Variants in MND1 observed in about 807,000 individuals in gnomAD.
The protein encoded by MND1 is meiotic nuclear divisions 1, also known as meiotic nuclear division protein 1 homolog.
A neutral mutation model predicts 35.1 loss-of-function variants in MND1; 28 were observed. The observed-to-expected ratio is 0.80, with a 90% CI of 0.59 to 1.09. MND1 has a LOEUF of 1.09. Ranked by LOEUF, MND1 falls within the 50% of genes least tolerant of loss-of-function variation. The probability of loss-of-function intolerance (pLI) is 0.00; values close to 1 mark genes in which losing one functional copy is unlikely to be tolerated. For synonymous variants in MND1, 69 were observed against 70.5 expected, an observed-to-expected ratio of 0.98 and a Z score of 0.11; for missense variants, 213 against 239.6, an observed-to-expected ratio of 0.89 and a Z score of 0.73.
intron 4 of MND1, among the ~76,000 whole-genome samples, chr4:153,385,304 A>T (rs1728822221): frequency 6.6e-6 from 1 of 152,172 alleles, no homozygotes; most frequent in African/African-American, 2.4e-5. Flanking sequence ...TATGAAAGAG[A>T]TTATTATTAA....
At chr4:153,358,815 A>G (rs1773409396) in intron 4 of MND1, among the ~76,000 whole-genome samples, 193 bp downstream of exon 4, 1 of 152,188 alleles carries the variant, frequency 6.6e-6, no homozygotes, top group African/African-American at 2.4e-5. Context: ...ATCTTCCCAT[A>G]TGTCAAGATA....
chr4:153,349,094 CTT>C (rs56180318), intron 1 of MND1, among the ~76,000 whole-genome samples: 28,290 of 137,498 alleles, frequency 0.21, 2,648 homozygotes, highest in East Asian at 0.26. Context: ...AGTTCTCACT[CTT>C]TTTTTTTTTT....
At position 153,393,990 on chromosome 4, in the gene MND1, C is replaced by T. The variant is rs187355843; in HGVS notation, c.277-272C>T. On this transcript the variant is annotated intron_variant, in intron 4 of 7. Transcript: ENST00000240488. The stretch of plus-strand genomic sequence containing the variant: ...CTGTCGCCAGGCTGGAGTGCAGAGG[C>T]GCAATCTCAGCTCACTGCAACCTCA... Among the ~76,000 whole-genome samples, 308 of 122,518 alleles carry T rather than the reference C, an allele frequency of 2.5e-3. 2 individuals carry two copies. The East Asian group carries it at 0.052, about 21-fold the overall frequency. The allele number at this position is 122,518 out of a possible 152,430, so 80.4% of individuals were successfully genotyped here.
At chr4:153,370,390 C>T (rs891940610) in intron 4 of MND1, among the ~76,000 whole-genome samples, 1 of 152,060 alleles carries the variant, frequency 6.6e-6, no homozygotes, top group Non-Finnish European at 1.5e-5. Context: ...TTGCCATTTC[C>T]ACCACATCAG....
chr4:153,409,547 A>G (rs1396392897), intron 7 of MND1, among the ~76,000 whole-genome samples: 1 of 152,176 alleles, frequency 6.6e-6, no homozygotes, highest in Non-Finnish European at 1.5e-5. Context: ...CATGTGTCAG[A>G]CAGCAGAACA....
At chr4:153,398,748 T>C (rs971604591) in intron 6 of MND1, among the ~76,000 whole-genome samples, 3 of 151,414 alleles carry the variant, frequency 2.0e-5, no homozygotes, top group African/African-American at 4.9e-5. Context: ...AAGAAAGTGC[T>C]AATCAAATCT....
intron 7 of MND1, among the ~76,000 whole-genome samples, chr4:153,410,956 A>G (rs557642643): frequency 2.0e-4 from 31 of 152,284 alleles, no homozygotes; most frequent in Middle Eastern, 3.4e-3. Context: ...GTGCCACTGC[A>G]CTCCAGCCTG....
intron 4 of MND1, among the ~76,000 whole-genome samples, chr4:153,391,807 C>T (rs1256099184): frequency 6.6e-6 from 1 of 151,242 alleles, no homozygotes; most frequent in Admixed American, 6.6e-5. Flanking sequence ...AAGATAATTA[C>T]TCGCAAGGAG....
chr4:153,401,667 T>C (rs2149656468), intron 6 of MND1, among the ~76,000 whole-genome samples: 1 of 152,222 alleles, frequency 6.6e-6, no homozygotes, highest in East Asian at 1.9e-4. Flanking sequence ...AAATTGATTT[T>C]AATAGGATTT....
In MND1 at chr4:153,358,513, A is replaced by T; in HGVS notation, c.167A>T (p.Asp56Val). ...SVKEVLQSLV[D>V]DGMVDCERIG... ...AAAGAAGTCCTTCAAAGCTTAGTTG[A>T]TGATGGTATGGTTGACTGTGAGAGG... Residue 56 changes from aspartate to valine, a missense_variant, in exon 4 of 8, where the codon GAT becomes GTT. By Grantham distance (152) the Asp-to-Val change is radical (BLOSUM62 -3). Coordinates refer to ENST00000240488, the MANE Select transcript of MND1 (RefSeq NM_032117.4). 6.2e-7 allele frequency: 1 copy of T among 1,612,094 alleles called. No homozygotes were observed. The highest frequency in any genetic ancestry group is 8.5e-7 in the Non-Finnish European group (1 of 1,179,132).
intron 4 of MND1, among the ~76,000 whole-genome samples, chr4:153,372,458 A>G (rs1449364731): frequency 6.6e-6 from 1 of 152,228 alleles, no homozygotes; most frequent in African/African-American, 2.4e-5. Context: ...TAAATGACAT[A>G]CAAAAACCTG....
chr4:153,385,191 T>C (rs1728818903), intron 4 of MND1, among the ~76,000 whole-genome samples: 2 of 152,232 alleles, frequency 1.3e-5, no homozygotes, highest in African/African-American at 4.8e-5. Flanking sequence ...CAGCCACTCT[T>C]ATTCTTGGAC....
chr4:153,356,886 A>C (rs1034095477), intron 3 of MND1, among the ~76,000 whole-genome samples: 1 of 152,014 alleles, frequency 6.6e-6, no homozygotes, highest in East Asian at 1.9e-4. Flanking sequence ...CCAGTGGTGC[A>C]GTCCTGGCAC....
chr4:153,392,811 C>G (rs183962933), intron 4 of MND1, among the ~76,000 whole-genome samples: 2 of 152,284 alleles, frequency 1.3e-5, no homozygotes, highest in African/African-American at 4.8e-5. Flanking sequence ...AAAGTTTAAA[C>G]TGATGACTTT....
intron 1 of MND1, 27 bp from the exon 2 acceptor site, chr4:153,350,037 G>T (rs754547575): frequency 4.6e-6 from 7 of 1,510,212 alleles, no homozygotes; most frequent in Non-Finnish European, 6.4e-6. Flanking sequence ...TAAAAGCATT[G>T]TTTACTTGTT....
At chr4:153,400,890 C>G (rs1182664693) in intron 6 of MND1, among the ~76,000 whole-genome samples, 1 of 152,120 alleles carries the variant, frequency 6.6e-6, no homozygotes, top group African/African-American at 2.4e-5. Flanking sequence ...GTTATTATAA[C>G]TGTATTCCAT....
intron 4 of MND1, among the ~76,000 whole-genome samples, chr4:153,383,357 T>G (rs1728761239): frequency 6.6e-6 from 1 of 152,160 alleles, no homozygotes; most frequent in Non-Finnish European, 1.5e-5. Flanking sequence ...AAATAGAATG[T>G]GTTTTCTACA....
chr4:153,360,722 G>A (rs1270156749), intron 4 of MND1, among the ~76,000 whole-genome samples: 3 of 146,816 alleles, frequency 2.0e-5, no homozygotes, highest in African/African-American at 7.5e-5. Context: ...TGTGAGACAG[G>A]GTCTTGCTTT....
chr4:153,358,516 A>T lies in MND1; in HGVS notation c.170A>T (p.Asp57Val). 1 of 1,611,812 alleles carries T rather than the reference A, an allele frequency of 6.2e-7. No individual in the cohort carries two copies. Among genetic ancestry groups the T allele is most frequent in the Non-Finnish European group, 8.5e-7 (1 of 1,179,014 alleles). The change falls in exon 4 of 8, where the codon GAT (aspartate) becomes GTT (valine). Residue 57 changes from aspartate (D) to valine (V), a missense_variant. Transcript: ENST00000240488. Reference protein sequence around the residue: ...VKEVLQSLVDDGMVDCERIGT... With the variant: ...VKEVLQSLVDVGMVDCERIGT... Reference sequence around the variant, plus strand: ...GAAGTCCTTCAAAGCTTAGTTGATGATGGTATGGTTGACTGTGAGAGGATC... The same window carrying T: ...GAAGTCCTTCAAAGCTTAGTTGATGTTGGTATGGTTGACTGTGAGAGGATC...
Sources: gnomAD v4.1 joint callset for allele counts (sites outside exome capture counted in the v4.1 genomes callset) on GRCh38, gnomAD v4.1.1 for gene constraint, MANE v1.5 for transcripts, NCBI Gene and HGNC (gene_info 2026-07-23, HGNC 2026-07-21) for gene names.